ZNF746: variants seen among roughly 807,000 people sequenced by gnomAD.
ZNF746 encodes zinc finger protein 746, also known as parkin-interacting substrate.
In ZNF746, 13 loss-of-function variants were observed where a neutral mutation model predicts 41.0. That is an observed-to-expected ratio of 0.32 (90% CI 0.21 to 0.50). The LOEUF (loss-of-function observed/expected upper bound fraction) is 0.50, where lower values mean the gene tolerates loss of function less well. Ranked by LOEUF, ZNF746 falls within the 20% of genes least tolerant of loss-of-function variation. The pLI, the probability that ZNF746 is intolerant of heterozygous loss-of-function variation, is 0.98. For synonymous variants in ZNF746, 424 were observed against 396.2 expected (o/e 1.07, Z -0.83); for missense variants, 811 against 922.9 (o/e 0.88, Z 1.57).
Position 149,493,984 on chromosome 7 carries a change from C to T in ZNF746, c.451+5G>A, listed in dbSNP as rs1307217164. On this transcript the variant is annotated splice_donor_5th_base_variant and intron_variant, in intron 3 of 6. Transcript: ENST00000458143. The stretch of plus-strand genomic sequence containing the variant: ...TTTAACAGAGAAATGAGTGTCAGGC[C>T]TTACCCAGGGAGACCAGCGTCTCGT... The T allele has an allele frequency of 8.7e-6, 14 of 1,614,180 alleles. No homozygotes were observed. The highest frequency in any genetic ancestry group is 1.2e-5 in the Non-Finnish European group (14 of 1,180,016).
chr7:149,475,137 C>T lies in ZNF746; in HGVS notation c.1230G>A (p.Arg410=). The T allele has an allele frequency of 6.2e-7, 1 of 1,612,582 alleles. No homozygotes were observed. The highest frequency in any genetic ancestry group is 8.5e-7 in the Non-Finnish European group (1 of 1,179,780). ...AGTAAGGAAGCCCCTCGGGCCCCGT[C>T]CTCGGGTTCAGGCCCACTGGCGGTT... is the stretch of plus-strand genomic sequence containing the variant. ...RCKPPVGLNP[R]TGPEGLPYSS... Residue 410 remains arginine, a synonymous_variant, in exon 7 of 7, where the codon AGG becomes AGA. Coordinates refer to ENST00000458143, the MANE Select transcript of ZNF746 (RefSeq NM_001394198.1).
intron 4 of ZNF746, among the ~76,000 whole-genome samples, chr7:149,478,583 C>T (rs1800389793): frequency 6.6e-6 from 1 of 152,160 alleles, no homozygotes; most frequent in Admixed American, 6.5e-5. Context: ...CAGAGGGGCA[C>T]CCACACAATG....
intron 4 of ZNF746, among the ~76,000 whole-genome samples, chr7:149,485,151 T>TAAAA (rs57584874): frequency 7.4e-6 from 1 of 135,966 alleles, no homozygotes; most frequent in Non-Finnish European, 1.6e-5. Context: ...AAAAGTGATT[T>TAAAA]AAAAAAAAAA....
chr7:149,474,828 G>A lies in ZNF746; in HGVS notation c.1539C>T (p.Gly513=), dbSNP rs1459627781. ...CCCGTGCGCTGCCCCCACCGCTGCCGCCACCGCCGCCGCCACTGCCGCTGC... is the reference window on the plus strand; with the variant it reads ...CCCGTGCGCTGCCCCCACCGCTGCCACCACCGCCGCCGCCACTGCCGCTGC... ...GGGSGSGGGG[G]GSGGGSARDG... The change falls in exon 7 of 7, where the codon GGC becomes GGT. Residue 513 remains glycine, a synonymous_variant. Transcript: ENST00000458143. The surrounding 1 kb of genome is among the most constrained non-coding windows in gnomAD (Gnocchi z 6.3). 2.5e-5 allele frequency: 35 copies of A among 1,419,014 alleles called. No individual in the cohort carries two copies. The South Asian group carries it at 4.4e-4, about 18-fold the overall frequency. The allele number at this position is 1,419,014 out of a possible 1,614,324, so 87.9% of individuals were successfully genotyped here.
chr7:149,478,009 G>A, intron 4 of ZNF746: 1 of 410,194 alleles, frequency 2.4e-6, no homozygotes. Context: ...CATTCTCAGG[G>A]CTAGGCTGGT....
At chr7:149,487,198 T>C (rs569588192) in intron 4 of ZNF746, among the ~76,000 whole-genome samples, 12 of 152,268 alleles carry the variant, frequency 7.9e-5, no homozygotes, top group Admixed American at 1.3e-4. Context: ...CGGTCCCCCA[T>C]TGGTGGAAAA....
Position 149,492,545 on chromosome 7 carries a change from C to T in ZNF746, c.565+314G>A, listed in dbSNP as rs75285834. On this transcript the variant is annotated intron_variant, in intron 4 of 6. Transcript: ENST00000458143. ...TGGGGGCTGGTGCCCCTGGCCCCTG[C>T]GTTAAGGGTCAACTATGCTCCTGCC... Among the ~76,000 whole-genome samples, 2,431 of 152,264 alleles carry T rather than the reference C, an allele frequency of 0.016. 132 individuals are homozygous for T. In the East Asian group the frequency reaches 0.2, roughly 12 times the overall value.
At chr7:149,484,828 G>A (rs552168014) in intron 4 of ZNF746, among the ~76,000 whole-genome samples, 15 of 152,156 alleles carry the variant, frequency 9.9e-5, no homozygotes, top group African/African-American at 2.4e-4. Flanking sequence ...TTCCTAGATC[G>A]TTATCAATAA....
In ZNF746 at chr7:149,474,675, G is replaced by A. The variant is rs371698372; in HGVS notation, c.1692C>T (p.Thr564=). 12 of 1,613,252 alleles carry A rather than the reference G, an allele frequency of 7.4e-6. No individual in the cohort carries two copies. The African/African-American group carries it at 8.0e-5, about 11-fold the overall frequency. Residue 564 remains threonine, a synonymous_variant, in exon 7 of 7, where the codon ACC becomes ACT. Transcript: ENST00000458143. This position sits in a 1 kb window ranked among gnomAD's most constrained non-coding sequence, Gnocchi z 6.3. ...FPCTECEKRF[T]ERSKLIDHYR... is the part of the protein sequence containing the mutation. ...AGTGGTCGATGAGCTTGGAGCGTTC[G>A]GTGAAGCGCTTCTCACACTCGGTGC...
intron 4 of ZNF746, chr7:149,489,350 T>C (rs1481225539): frequency 6.6e-6 from 1 of 152,074 alleles, no homozygotes; most frequent in Non-Finnish European, 1.5e-5. Flanking sequence ...ATACTCTAGG[T>C]TCCTAAAATG....
intron 4 of ZNF746, chr7:149,490,320 C>A (rs949514727): frequency 1.3e-5 from 2 of 152,280 alleles, no homozygotes; most frequent in Admixed American, 1.3e-4. Flanking sequence ...GACTGTGTGG[C>A]AGAGCGCCCA....
At chr7:149,491,566 G>A (rs766918747) in intron 4 of ZNF746, 18 of 368,230 alleles carry the variant, frequency 4.9e-5, no homozygotes, top group Non-Finnish European at 7.7e-5. Flanking sequence ...TGCATCTGTA[G>A]AGCTAAACTG....
At chr7:149,491,920 T>A (rs1800821857) in intron 4 of ZNF746, 3 of 702,052 alleles carry the variant, frequency 4.3e-6, no homozygotes, top group Non-Finnish European at 7.8e-6. Flanking sequence ...TCAAAGGTGC[T>A]GACTGGCTCC....
chr7:149,493,470 C>T (rs1320138585), intron 3 of ZNF746, among the ~76,000 whole-genome samples: 2 of 152,168 alleles, frequency 1.3e-5, no homozygotes, highest in African/African-American at 4.8e-5. Context: ...AGTCCAGGCC[C>T]TTCCTGGGCA....
chr7:149,479,582 A>G (rs868741684), intron 4 of ZNF746, among the ~76,000 whole-genome samples: 2 of 152,262 alleles, frequency 1.3e-5, no homozygotes, highest in African/African-American at 4.8e-5. Flanking sequence ...GAGCTCAAGG[A>G]TAACACTAGA....
At chr7:149,481,116 AT>A (rs1263943181) in intron 4 of ZNF746, among the ~76,000 whole-genome samples, 2 of 152,256 alleles carry the variant, frequency 1.3e-5, no homozygotes, top group Admixed American at 6.5e-5. Flanking sequence ...AGGAATCCTG[AT>A]TGGACTGATG....
rs749676281 is a variant in ZNF746 at position 149,474,534 on chromosome 7, C to G, written c.1833G>C (p.Pro611=). 1 of 1,607,286 alleles carries G rather than the reference C, an allele frequency of 6.2e-7. No homozygotes were observed. The highest frequency in any genetic ancestry group is 1.1e-5 in the South Asian group (1 of 90,354). Residue 611 remains proline (P), a synonymous_variant, in exon 7 of 7, where the codon CCG becomes CCC. Coordinates refer to ENST00000458143, the MANE Select transcript of ZNF746 (RefSeq NM_001394198.1). This position sits in a 1 kb window ranked among gnomAD's most constrained non-coding sequence, Gnocchi z 6.3. ...GCGTCGGGAGTGGCTGGCCTCGGGC[C>G]GGGGTCTTGGCGCCCGCTGCATGGT... ...QRNHAAGAKT[P]ARGQPLPTPP...
intron 4 of ZNF746, among the ~76,000 whole-genome samples, chr7:149,486,276 A>T (rs980152320): frequency 9.2e-5 from 14 of 152,112 alleles, no homozygotes; most frequent in Non-Finnish European, 2.1e-4. Context: ...TCCTGGGAAT[A>T]CCAGTTGGTA....
At chr7:149,496,926 A>T in intron 1 of ZNF746, 1 of 985,104 alleles carries the variant, frequency 1.0e-6, no homozygotes, top group Non-Finnish European at 1.2e-6. Flanking sequence ...TAAGTTCTCT[A>T]GGCCCCGGGT....
Sources: gnomAD v4.1 joint callset for allele counts (sites outside exome capture counted in the v4.1 genomes callset) on GRCh38, gnomAD v4.1.1 for gene constraint, Gnocchi (gnomAD v3.1) non-coding constraint, MANE v1.5 for transcripts, NCBI Gene and HGNC (gene_info 2026-07-23, HGNC 2026-07-21) for gene names.